EIF5A2: variants seen among roughly 807,000 people sequenced by gnomAD.
The protein encoded by EIF5A2 is eukaryotic translation initiation factor 5A2.
EIF5A2 carries 15 observed loss-of-function variants against 16.4 expected under a neutral mutation model. That is an observed-to-expected ratio of 0.92 (90% CI 0.61 to 1.41). The LOEUF (loss-of-function observed/expected upper bound fraction) is 1.41. Among genes scored for constraint, EIF5A2 ranks in the 40% most tolerant of loss-of-function variants. The pLI is 0.00. For missense variants in EIF5A2, 144 were observed against 189.5 expected (o/e 0.76, Z 1.41); for synonymous variants, 48 against 61.1 (o/e 0.79, Z 1.00).
intron 3 of EIF5A2, among the ~76,000 whole-genome samples, chr3:170,905,655 C>A (rs1032100337): frequency 1.4e-4 from 21 of 152,124 alleles, no homozygotes; most frequent in Non-Finnish European, 2.8e-4. Flanking sequence ...AAAGTTGGTG[C>A]TCCAACAATA....
intron 3 of EIF5A2, among the ~76,000 whole-genome samples, chr3:170,899,933 A>T (rs1295402269): frequency 1.4e-5 from 2 of 146,332 alleles, no homozygotes; most frequent in East Asian, 4.0e-4. Flanking sequence ...GTTTTTGAAC[A>T]TTTTTTTTTT....
rs1040928150 is a variant in EIF5A2, at chr3:170,891,259, C to A, written c.*2101G>T. On this transcript the variant is annotated 3_prime_UTR_variant, in exon 5 of 5. Coordinates refer to ENST00000295822, the MANE Select transcript of EIF5A2 (RefSeq NM_020390.6). ...GAATTCCTATGAGTTACAATGCCAA[C>A]CAGTAGCAATTAAGATACACATTAC... is the stretch of plus-strand genomic sequence containing the variant. 5.2e-5 allele frequency: 8 copies of A among 152,500 alleles called. No homozygotes were observed. The highest frequency in any genetic ancestry group is 1.9e-4 in the African/African-American group (8 of 41,400). The allele number at this position is 152,500 out of a possible 1,614,324, so 9.4% of individuals were successfully genotyped here. A position where few individuals can be genotyped will look rare whatever the true frequency, so the allele number is the denominator to read the frequency against.
chr3:170,894,142 G>C (rs1396341036), intron 4 of EIF5A2, 150 bp downstream of exon 4: 2 of 803,876 alleles, frequency 2.5e-6, no homozygotes, highest in Non-Finnish European at 3.8e-6. Flanking sequence ...AGTCTCTAAG[G>C]GTTTTATGGA....
chr3:170,905,094 A>T (rs1449049872), intron 3 of EIF5A2, among the ~76,000 whole-genome samples: 2 of 152,232 alleles, frequency 1.3e-5, no homozygotes, highest in African/African-American at 4.8e-5. Context: ...CACCAAAAAA[A>T]CCTCAGTGAT....
chr3:170,904,523 C>T (rs1712885429), intron 3 of EIF5A2, among the ~76,000 whole-genome samples: 1 of 152,020 alleles, frequency 6.6e-6, no homozygotes, highest in Non-Finnish European at 1.5e-5. Flanking sequence ...AGACAGGGTC[C>T]CACTCTGTCG....
intron 3 of EIF5A2, among the ~76,000 whole-genome samples, chr3:170,898,168 A>G (rs995443582): frequency 1.2e-4 from 18 of 152,340 alleles, no homozygotes; most frequent in Non-Finnish European, 1.5e-4. Flanking sequence ...TTACAGGCTC[A>G]TAGGCGGAAG....
In EIF5A2 at chr3:170,890,737, G is replaced by A. The variant is rs930711605; in HGVS notation, c.*2623C>T. The A allele has an allele frequency of 2.0e-5, 3 of 152,492 alleles. No individual in the cohort carries two copies. Among genetic ancestry groups the A allele is most frequent in the African/African-American group, 7.2e-5 (3 of 41,430 alleles). The allele number at this position is 152,492 out of a possible 1,614,324, so 9.4% of individuals were successfully genotyped here. A position where few individuals can be genotyped will look rare whatever the true frequency, so the allele number is the denominator to read the frequency against. On this transcript the variant is annotated 3_prime_UTR_variant, in exon 5 of 5. Transcript: ENST00000295822. Reference sequence around the variant, plus strand: ...GTCCACATTCTATACATGGTAACTCGTGATTTTTAACATTTGCTACAAAAA... The same window carrying A: ...GTCCACATTCTATACATGGTAACTCATGATTTTTAACATTTGCTACAAAAA...
chr3:170,908,014 C>A (rs1181739603), intron 1 of EIF5A2, among the ~76,000 whole-genome samples, 173 bp from the exon 2 acceptor site: 1 of 152,176 alleles, frequency 6.6e-6, no homozygotes, highest in East Asian at 1.9e-4. Flanking sequence ...ACTTTTCCAG[C>A]TACTGCTTGG....
intron 3 of EIF5A2, among the ~76,000 whole-genome samples, chr3:170,897,634 A>G (rs1712705979): frequency 6.6e-6 from 1 of 152,216 alleles, no homozygotes; most frequent in Non-Finnish European, 1.5e-5. Context: ...GCCTCCGCCT[A>G]GATTTCAGAG....
chr3:170,907,537 G>C, intron 2 of EIF5A2, 105 bp downstream of exon 2: 1 of 1,303,576 alleles, frequency 7.7e-7, no homozygotes, highest in Non-Finnish European at 1.0e-6. Flanking sequence ...AAAAAATAGT[G>C]CTTATTACAA....
At chr3:170,898,903 T>C (rs566217266) in intron 3 of EIF5A2, among the ~76,000 whole-genome samples, 1 of 151,934 alleles carries the variant, frequency 6.6e-6, no homozygotes, top group Non-Finnish European at 1.5e-5. Context: ...CCAAAGATCA[T>C]GATTCTTCAG....
At chr3:170,903,737 T>C (rs564993362) in intron 3 of EIF5A2, among the ~76,000 whole-genome samples, 9 of 152,304 alleles carry the variant, frequency 5.9e-5, no homozygotes, top group African/African-American at 2.2e-4. Flanking sequence ...ATACTACTTA[T>C]TTGAATTCAA....
chr3:170,898,270 T>C (rs1021809802), intron 3 of EIF5A2, among the ~76,000 whole-genome samples: 8 of 152,168 alleles, frequency 5.3e-5, no homozygotes, highest in Admixed American at 3.3e-4. Flanking sequence ...TGAGAAGGCA[T>C]GATTGTGTTT....
chr3:170,901,913 C>G (rs928443846), intron 3 of EIF5A2, among the ~76,000 whole-genome samples: 2 of 152,124 alleles, frequency 1.3e-5, no homozygotes, highest in African/African-American at 4.8e-5. Flanking sequence ...TGCTTGATCA[C>G]TATTATTATA....
chr3:170,896,055 C>T (rs1318019224), intron 3 of EIF5A2, among the ~76,000 whole-genome samples: 2 of 152,296 alleles, frequency 1.3e-5, no homozygotes, highest in African/African-American at 2.4e-5. Flanking sequence ...CCCTAAAGCA[C>T]AGCTTGTCTA....
chr3:170,907,794 T>A lies in EIF5A2; in HGVS notation c.13A>T (p.Ile5Phe). The change falls in exon 2 of 5, where the codon ATT becomes TTT. Residue 5 changes from isoleucine (I) to phenylalanine (F), a missense_variant. Physicochemically the swap from Ile to Phe is conservative, Grantham distance 21. Coordinates refer to ENST00000295822, the MANE Select transcript of EIF5A2 (RefSeq NM_020390.6). Reference protein sequence around the residue: MADEIDFTTGDAGAS... With the variant: MADEFDFTTGDAGAS... ...CCGGCATCTCCAGTAGTGAAATCAA[T>A]TTCGTCTGCCATGGTGGGCAGGGGA... The A allele has an allele frequency of 6.5e-7, 1 of 1,548,236 alleles. No individual in the cohort carries two copies. Among genetic ancestry groups the A allele is most frequent in the Non-Finnish European group, 8.8e-7 (1 of 1,133,438 alleles).
chr3:170,898,725 G>A (rs1452066337), intron 3 of EIF5A2, among the ~76,000 whole-genome samples: 8 of 152,026 alleles, frequency 5.3e-5, no homozygotes, highest in Admixed American at 5.2e-4. Flanking sequence ...AAAATCTTAA[G>A]TTCTATAGAA....
At chr3:170,895,501 T>C (rs1204721510) in intron 3 of EIF5A2, among the ~76,000 whole-genome samples, 1 of 152,186 alleles carries the variant, frequency 6.6e-6, no homozygotes, top group African/African-American at 2.4e-5. Context: ...ACATGTTTTA[T>C]AAAAGGCTAC....
rs535541994 is a variant in EIF5A2 at position 170,905,214 on chromosome 3, C to T, written c.270+1775G>A. ...ATGGGATCAGAATTAATTTTCTTTG[C>T]GCCTTGAGCTCCTATATGGCTTGTC... On this transcript the variant is annotated intron_variant, in intron 3 of 4. Transcript: ENST00000295822. Among the ~76,000 whole-genome samples, 201 of 152,296 alleles carry T rather than the reference C, an allele frequency of 1.3e-3. 1 individual carries two copies. The highest frequency in any genetic ancestry group is 2.6e-3 in the Non-Finnish European group (177 of 68,028).
Sources: allele counts gnomAD v4.1 joint callset (sites outside exome capture counted in the v4.1 genomes callset), GRCh38; gene constraint gnomAD v4.1.1; transcripts MANE v1.5; gene names NCBI Gene and HGNC (gene_info 2026-07-23, HGNC 2026-07-21).